Variants in KLHL21 observed in about 807,000 individuals in gnomAD.
The protein encoded by KLHL21 is kelch like family member 21, also known as kelch-like protein 21.
KLHL21 carries 42 observed loss-of-function variants against 44.1 expected under a neutral mutation model. That is an observed-to-expected ratio of 0.95 (90% confidence interval 0.74 to 1.23). The LOEUF (loss-of-function observed/expected upper bound fraction) is 1.23. Ranked by LOEUF, KLHL21 falls within the 50% of genes most tolerant of loss-of-function variation. The pLI, the probability that KLHL21 is intolerant of heterozygous loss-of-function variation, is 0.00. For missense variants in KLHL21, 918 were observed against 889.1 expected (o/e 1.03, Z -0.41); for synonymous variants, 524 against 411.6 (o/e 1.27, Z -3.31).
chr1:6,598,922 C>G, intron 2 of KLHL21, 125 bp downstream of exon 2: 1 of 1,005,976 alleles, frequency 9.9e-7, no homozygotes, highest in East Asian at 2.7e-5. Flanking sequence ...CAGACCCAGC[C>G]TCCAACCCCA....
chr1:6,597,471 C>G (rs1382708439), intron 2 of KLHL21, among the ~76,000 whole-genome samples: 1 of 152,192 alleles, frequency 6.6e-6, no homozygotes, highest in Non-Finnish European at 1.5e-5. Context: ...GGAGGGAGAG[C>G]CGGGCAAAGG....
chr1:6,596,925 C>T (rs1431168150), intron 2 of KLHL21, among the ~76,000 whole-genome samples: 1 of 152,228 alleles, frequency 6.6e-6, no homozygotes, highest in East Asian at 1.9e-4. Flanking sequence ...CACAAGCTGC[C>T]CAAAGACAGG....
At chr1:6,601,332 T>C (rs563425749) in intron 1 of KLHL21, among the ~76,000 whole-genome samples, 2 of 152,240 alleles carry the variant, frequency 1.3e-5, no homozygotes, top group South Asian at 4.1e-4. Flanking sequence ...CAAGGGAACC[T>C]TGTCACCGGG....
chr1:6,600,691 T>C (rs1351125618), intron 1 of KLHL21, among the ~76,000 whole-genome samples: 1 of 152,212 alleles, frequency 6.6e-6, no homozygotes, highest in Non-Finnish European at 1.5e-5. Flanking sequence ...TGGAAGGGTG[T>C]GCAGAAAGCT....
rs1640981850 is a variant in KLHL21, at chr1:6,599,451, A to T, written c.1023T>A (p.Gly341=). 6.3e-7 allele frequency: 1 copy of T among 1,595,756 alleles called. No homozygotes were observed. Among genetic ancestry groups the T allele is most frequent in the African/African-American group, 1.3e-5 (1 of 74,680 alleles). Residue 341 remains glycine (G), a splice_region_variant and synonymous_variant, in exon 2 of 4, where the codon GGT becomes GGA. Transcript: ENST00000377658. ...VALGNDIYVT[G]GSDGSRLYDC... ...CATAGAGCCGGGAGCCATCGGACCCACCTGCCAGGACGCATGACAGGCAGA... is the reference window on the plus strand; with the variant it reads ...CATAGAGCCGGGAGCCATCGGACCCTCCTGCCAGGACGCATGACAGGCAGA...
Position 6,593,248 on chromosome 1 carries a change from C to T in KLHL21, c.*117G>A, listed in dbSNP as rs777790336. The T allele has an allele frequency of 1.7e-6, 2 of 1,188,696 alleles. No homozygotes were observed. The highest frequency in any genetic ancestry group is 2.3e-6 in the Non-Finnish European group (2 of 862,312). The allele number at this position is 1,188,696 out of a possible 1,614,324, so 73.6% of individuals were successfully genotyped here. A position where few individuals can be genotyped will look rare whatever the true frequency, so the allele number is the denominator to read the frequency against. On this transcript the variant is annotated 3_prime_UTR_variant, in exon 4 of 4. Coordinates refer to ENST00000377658, the MANE Select transcript of KLHL21 (RefSeq NM_014851.4). ...ATGGATCCTGGGCTGGCTTCGCCAC[C>T]CAAGAGCCTGTGCTCCTCCTGTGAG...
rs762220991 is a variant in KLHL21 at position 6,601,957 on chromosome 1, G to A, written c.861C>T (p.Ile287=). Residue 287 remains isoleucine, a synonymous_variant, in exon 1 of 4, where the codon ATC becomes ATT. Coordinates refer to ENST00000377658, the MANE Select transcript of KLHL21 (RefSeq NM_014851.4). ...RPRPSTGLAE[I]LVLVGGCDQD... is the part of the protein sequence containing the mutation. ...GGTCGCAGCCGCCCACGAGCACGAG[G>A]ATCTCGGCGAGACCGGTGGACGGGC... The A allele has an allele frequency of 1.6e-5, 25 of 1,558,798 alleles. No individual in the cohort carries two copies. Among genetic ancestry groups the A allele is most frequent in the Non-Finnish European group, 1.8e-5 (21 of 1,151,910 alleles).
At chr1:6,601,047 G>A (rs1260234201) in intron 1 of KLHL21, among the ~76,000 whole-genome samples, 2 of 152,198 alleles carry the variant, frequency 1.3e-5, no homozygotes, top group Non-Finnish European at 2.9e-5. Context: ...ACGCCTGCCT[G>A]GTGGGTTCTT....
In KLHL21 at chr1:6,602,863, G is replaced by C; in HGVS notation, c.-46C>G. On this transcript the variant is annotated 5_prime_UTR_variant, in exon 1 of 4. Coordinates refer to ENST00000377658, the MANE Select transcript of KLHL21 (RefSeq NM_014851.4). Reference sequence around the variant, plus strand: ...GAGGACGCCGCGGCCGGGGCCTGCGGAGAGACGCGGCGCGCTAGGCACCGC... The same window carrying C: ...GAGGACGCCGCGGCCGGGGCCTGCGCAGAGACGCGGCGCGCTAGGCACCGC... 7.3e-7 allele frequency: 1 copy of C among 1,372,764 alleles called. No individual in the cohort carries two copies. The highest frequency in any genetic ancestry group is 9.3e-7 in the Non-Finnish European group (1 of 1,071,688). 85.0% of individuals were successfully genotyped at this position (1,372,764 alleles called of 1,614,324 possible).
rs1641026811 is a variant in KLHL21 at position 6,601,890 on chromosome 1, G to C, written c.928C>G (p.Gln310Glu). ...ELVTVDCYNP[Q>E]TGQWRYLAEF... ...GCCAGGTAGCGCCACTGACCCGTCTGCGGGTTGTAGCAGTCGACAGTGACC... is the reference window on the plus strand; with the variant it reads ...GCCAGGTAGCGCCACTGACCCGTCTCCGGGTTGTAGCAGTCGACAGTGACC... The change falls in exon 1 of 4, where the codon CAG becomes GAG. Residue 310 changes from glutamine to glutamate, a missense_variant. Coordinates refer to ENST00000377658, the MANE Select transcript of KLHL21 (RefSeq NM_014851.4). The C allele has an allele frequency of 1.3e-6, 2 of 1,568,716 alleles. No homozygotes were observed. The highest frequency in any genetic ancestry group is 1.7e-6 in the Non-Finnish European group (2 of 1,157,648).
At chr1:6,596,324 G>A (rs557628290) in intron 2 of KLHL21, among the ~76,000 whole-genome samples, 9 of 152,288 alleles carry the variant, frequency 5.9e-5, no homozygotes, top group Non-Finnish European at 1.0e-4. Context: ...GCTTGAACCC[G>A]GGTGGCTGAG....
At chr1:6,594,858 G>C (rs1640902116) in intron 3 of KLHL21, 1 of 153,076 alleles carries the variant, frequency 6.5e-6, no homozygotes, top group African/African-American at 2.4e-5. Context: ...GCAAGACCCT[G>C]TCTCTATAAA....
chr1:6,595,440 C>G, intron 3 of KLHL21, 45 bp downstream of exon 3: 1 of 1,595,712 alleles, frequency 6.3e-7, no homozygotes, highest in Non-Finnish European at 8.6e-7. Flanking sequence ...GTTGCAAAAT[C>G]AGGACCAGCC....
Position 6,602,148 on chromosome 1 carries a change from C to T in KLHL21, c.670G>A (p.Val224Met), listed in dbSNP as rs1433524046. Reference protein sequence around the residue: ...AAHWPQLLEAVRLPFVRRFYL... With the variant: ...AAHWPQLLEAMRLPFVRRFYL... The stretch of plus-strand genomic sequence containing the variant: ...AAGCGGCGCACGAAGGGCAGGCGCA[C>T]GGCCTCCAGCAGCTGCGGCCAGTGC... The change falls in exon 1 of 4, where the codon GTG becomes ATG. Residue 224 changes from valine (V) to methionine (M), a missense_variant. Physicochemically the swap from Val to Met is conservative, Grantham distance 21 (BLOSUM62 1). Transcript: ENST00000377658. 2 of 1,412,408 alleles carry T rather than the reference C, an allele frequency of 1.4e-6. No homozygotes were observed. The highest frequency in any genetic ancestry group is 1.8e-6 in the Non-Finnish European group (2 of 1,093,606). 87.5% of individuals were successfully genotyped at this position (1,412,408 alleles called of 1,614,324 possible).
intron 2 of KLHL21, among the ~76,000 whole-genome samples, chr1:6,597,979 C>T (rs972288870): frequency 1.6e-4 from 25 of 152,262 alleles, no homozygotes; most frequent in Non-Finnish European, 2.9e-5. Flanking sequence ...GGCCAGCAGA[C>T]ATATGATGAC....
chr1:6,596,776 G>A (rs966949442), intron 2 of KLHL21, among the ~76,000 whole-genome samples: 3 of 152,198 alleles, frequency 2.0e-5, no homozygotes, highest in Non-Finnish European at 4.4e-5. Context: ...GAGCTCGCCG[G>A]CATTCCCAGA....
In KLHL21 at chr1:6,602,599, G is replaced by C. The variant is rs1381930922; in HGVS notation, c.219C>G (p.Arg73=). 2.0e-6 allele frequency: 3 copies of C among 1,526,242 alleles called. No individual in the cohort carries two copies. The highest frequency in any genetic ancestry group is 4.0e-5 in the Admixed American group (2 of 50,314). 94.5% of individuals were successfully genotyped at this position (1,526,242 alleles called of 1,614,324 possible). The part of the protein sequence containing the change: ...AMFAGQLRES[R]AERVRLHGVP... The stretch of plus-strand genomic sequence containing the variant: ...CTCCGTGCAGGCGCACCCGCTCGGC[G>C]CGGCTCTCGCGCAGCTGCCCCGCGA... Residue 73 remains arginine, a synonymous_variant, in exon 1 of 4, where the codon CGC becomes CGG. Transcript: ENST00000377658.
chr1:6,599,088 G>T lies in KLHL21; in HGVS notation c.1386C>A (p.Ala462=), dbSNP rs747169001. Residue 462 remains alanine (A), a synonymous_variant, in exon 2 of 4, where the codon GCC becomes GCA. Coordinates refer to ENST00000377658, the MANE Select transcript of KLHL21 (RefSeq NM_014851.4). ...GTCCGTTTAGAGTCGCAGTCTTGGG[G>T]GCGAAGGACCAGGGCGGGAGCTGGC... The part of the protein sequence containing the change: ...DCGQLPPWSF[A]PKTATLNGLM... 6.2e-7 allele frequency: 1 copy of T among 1,608,782 alleles called. No individual in the cohort carries two copies. Among genetic ancestry groups the T allele is most frequent in the East Asian group, 2.2e-5 (1 of 44,798 alleles).
intron 2 of KLHL21, among the ~76,000 whole-genome samples, chr1:6,598,469 C>T (rs1204494249): frequency 6.6e-6 from 1 of 152,092 alleles, no homozygotes; most frequent in Non-Finnish European, 1.5e-5. Context: ...ACTTGGCAGG[C>T]TGAGGCAGGA....
Sources: gnomAD v4.1 joint callset for allele counts (sites outside exome capture counted in the v4.1 genomes callset) on GRCh38, gnomAD v4.1.1 for gene constraint, MANE v1.5 for transcripts, NCBI Gene and HGNC (gene_info 2026-07-23, HGNC 2026-07-21) for gene names.